Variants in CACNA1E observed in about 807,000 individuals in gnomAD.
CACNA1E encodes voltage-dependent R-type calcium channel subunit alpha-1E.
In CACNA1E, 40 loss-of-function variants were observed where a neutral mutation model predicts 259.2. The observed-to-expected ratio is 0.15, with a 90% confidence interval of 0.12 to 0.20. The LOEUF is 0.20. Among genes scored for constraint, CACNA1E ranks in the 10% least tolerant of loss-of-function variants. The pLI, the probability that CACNA1E is intolerant of heterozygous loss-of-function variation, is 1.00. For missense variants in CACNA1E, 1,874 were observed against 3,040.1 expected (o/e 0.62, Z 9.02); for synonymous variants, 1,104 against 1,138.5 (o/e 0.97, Z 0.61).
chr1:181,686,474 T>C lies in CACNA1E; in HGVS notation c.1056-24480T>C, dbSNP rs151025235. Among the ~76,000 whole-genome samples, 134 of 151,886 alleles carry C rather than the reference T, an allele frequency of 8.8e-4. 3 individuals are homozygous for C. The East Asian group carries it at 0.02, about 22-fold the overall frequency. On this transcript the variant is annotated intron_variant, in intron 7 of 47. Coordinates refer to ENST00000367573, the MANE Select transcript of CACNA1E (RefSeq NM_001205293.3). ...GCTAATTTTGTGTTTTTAGTAGAGA[T>C]GGGGTTTCTCCATGTTTGGTCAGGC...
intron 2 of CACNA1E, among the ~76,000 whole-genome samples, chr1:181,428,366 G>A (rs561461786): frequency 2.0e-5 from 3 of 152,256 alleles, no homozygotes; most frequent in Admixed American, 1.3e-4. Flanking sequence ...TGACAGCTTC[G>A]GTTTTATCCA....
intron 3 of CACNA1E, among the ~76,000 whole-genome samples, chr1:181,555,791 G>T (rs563234641): frequency 6.6e-6 from 1 of 152,310 alleles, no homozygotes; most frequent in South Asian, 2.1e-4. Context: ...AATCATATGT[G>T]CATGCAGGAA....
chr1:181,332,688 T>A lies in CACNA1E; in HGVS notation c.-15+14565T>A, dbSNP rs572373635. Among the ~76,000 whole-genome samples, 16 of 152,364 alleles carry A rather than the reference T, an allele frequency of 1.1e-4. No individual in the cohort carries two copies. The South Asian group carries it at 1.2e-3, about 12-fold the overall frequency. On this transcript the variant is annotated intron_variant, in intron 1 of 11. Transcript: ENST00000524607. ...GAAGGAGACTTGACAGATGTAATTA[T>A]ATCCCAGACTTGCTCCTAAATCCAG... is the stretch of plus-strand genomic sequence containing the variant.
At chr1:181,796,949 C>T in intron 47 of CACNA1E, 91 bp downstream of exon 47, 1 of 875,424 alleles carries the variant, frequency 1.1e-6, no homozygotes, top group South Asian at 1.9e-5. Flanking sequence ...TTCGCAAACG[C>T]ATTCAAGTAC....
intron 1 of CACNA1E, among the ~76,000 whole-genome samples, chr1:181,349,116 G>A (rs889179520): frequency 2.6e-5 from 4 of 152,120 alleles, no homozygotes; most frequent in African/African-American, 9.7e-5. Flanking sequence ...GGGAGGGGGC[G>A]GGCTTGGGTG....
chr1:181,662,530 A>C (rs1572525307), intron 7 of CACNA1E, among the ~76,000 whole-genome samples: 1 of 152,198 alleles, frequency 6.6e-6, no homozygotes, highest in African/African-American at 2.4e-5. Flanking sequence ...TCACTTTTCT[A>C]TACCTTCAGT....
At chr1:181,600,677 G>A (rs1230766433) in intron 6 of CACNA1E, among the ~76,000 whole-genome samples, 1 of 152,140 alleles carries the variant, frequency 6.6e-6, no homozygotes, top group Non-Finnish European at 1.5e-5. Flanking sequence ...GGGCAGGATG[G>A]TTGAGCAAGG....
chr1:181,325,970 G>T (rs1650752621), intron 1 of CACNA1E, among the ~76,000 whole-genome samples: 1 of 152,148 alleles, frequency 6.6e-6, no homozygotes, highest in South Asian at 2.1e-4. Flanking sequence ...AGACGGCCTT[G>T]CACTCCGCGT....
intron 1 of CACNA1E, among the ~76,000 whole-genome samples, chr1:181,506,494 G>A (rs1665723127): frequency 1.3e-5 from 2 of 152,196 alleles, no homozygotes; most frequent in Non-Finnish European, 1.5e-5. Flanking sequence ...ATTGAACATT[G>A]ACTAAGCTCC....
chr1:181,326,491 A>G (rs900419960), intron 1 of CACNA1E, among the ~76,000 whole-genome samples: 1 of 152,098 alleles, frequency 6.6e-6, no homozygotes, highest in African/African-American at 2.4e-5. Context: ...ACTGCTTGGC[A>G]GTTTCTCCTG....
intron 1 of CACNA1E, among the ~76,000 whole-genome samples, chr1:181,338,639 C>T (rs1017171803): frequency 6.6e-6 from 1 of 151,790 alleles, no homozygotes; most frequent in Non-Finnish European, 1.5e-5. Context: ...TTTTCCTTTG[C>T]TGTTCAGAAG....
In CACNA1E at chr1:181,772,177, C is replaced by A; in HGVS notation, c.5085C>A (p.Gly1695=). ...GGCAGAACGAGAACGAACGCTGCGG[C>A]ACCGATCTGGCCTACGTGTACTTTG... The part of the protein sequence containing the change: ...PSGQNENERC[G]TDLAYVYFVS... The change falls in exon 37 of 48, where the codon GGC becomes GGA. Residue 1695 remains glycine (G), a synonymous_variant. Coordinates refer to ENST00000367573, the MANE Select transcript of CACNA1E (RefSeq NM_001205293.3). 1 of 1,614,008 alleles carries A rather than the reference C, an allele frequency of 6.2e-7. No homozygotes were observed. Among genetic ancestry groups the A allele is most frequent in the Middle Eastern group, 1.6e-4 (1 of 6,062 alleles).
rs146064979 is a variant in CACNA1E at position 181,771,732 on chromosome 1, G to T, written c.4974-334G>T. The stretch of plus-strand genomic sequence containing the variant: ...AACATGGCCTGCAAGGGTTTGGGAG[G>T]GGGGAATGTCAGGACAGTGTTTGCA... On this transcript the variant is annotated intron_variant, in intron 36 of 47. Transcript: ENST00000367573. 8.7e-5 allele frequency: 40 copies of T among 461,604 alleles called. 1 individual carries two copies. In the Middle Eastern group the frequency reaches 2.3e-3, roughly 26 times the overall value. The allele number at this position is 461,604 out of a possible 1,614,324, so 28.6% of individuals were successfully genotyped here.
chr1:181,323,449 G>A (rs557555748), intron 1 of CACNA1E, among the ~76,000 whole-genome samples: 2 of 152,322 alleles, frequency 1.3e-5, no homozygotes, highest in Admixed American at 1.3e-4. Flanking sequence ...CAGAGAAGGG[G>A]AACTGGAGCC....
intron 3 of CACNA1E, among the ~76,000 whole-genome samples, chr1:181,540,899 C>T (rs1668530351): frequency 6.6e-6 from 1 of 152,138 alleles, no homozygotes; most frequent in Non-Finnish European, 1.5e-5. Context: ...ATCCAAAAAT[C>T]CAAAATCAGG....
At chr1:181,736,561 T>C in intron 22 of CACNA1E, 127 bp downstream of exon 22, 3 of 857,880 alleles carry the variant, frequency 3.5e-6, no homozygotes, top group South Asian at 3.9e-5. Flanking sequence ...TGGTGGAGCA[T>C]GGCCAGACAT....
intron 43 of CACNA1E, 54 bp downstream of exon 43, chr1:181,785,873 C>A: frequency 8.3e-7 from 1 of 1,208,500 alleles, no homozygotes; most frequent in Non-Finnish European, 1.2e-6. Flanking sequence ...GTCACCCATG[C>A]TGTTGTGCAG....
intron 1 of CACNA1E, among the ~76,000 whole-genome samples, chr1:181,384,023 G>A (rs1215602612): frequency 6.6e-6 from 1 of 152,208 alleles, no homozygotes; most frequent in Non-Finnish European, 1.5e-5. Flanking sequence ...GAAATGGAGC[G>A]AATGTGACTG....
chr1:181,472,734 C>G (rs648357), intron 2 of CACNA1E, among the ~76,000 whole-genome samples: 65,527 of 152,080 alleles, frequency 0.43, 15,188 homozygotes, highest in African/African-American at 0.61. Flanking sequence ...TGTGTGTGCG[C>G]GCGCACTTGA....
Sources: gnomAD v4.1 joint callset for allele counts (sites outside exome capture counted in the v4.1 genomes callset) on GRCh38, gnomAD v4.1.1 for gene constraint, MANE v1.5 for transcripts, NCBI Gene and HGNC (gene_info 2026-07-23, HGNC 2026-07-21) for gene names.